REC114: variants seen among roughly 807,000 people sequenced by gnomAD.
REC114 encodes the protein meiotic recombination protein REC114.
REC114 carries 27 observed loss-of-function variants against 31.3 expected under a neutral mutation model. The observed-to-expected ratio is 0.86, with a 90% CI of 0.64 to 1.19. REC114 has a LOEUF of 1.19. REC114 is among the 50% of genes most tolerant of loss of function. The pLI is 0.00. For synonymous variants in REC114, 134 were observed against 127.7 expected (o/e 1.05, Z -0.33); for missense variants, 344 against 326.9 (o/e 1.05, Z -0.40).
intron 2 of REC114, among the ~76,000 whole-genome samples, chr15:73,480,708 C>T (rs1893282511): frequency 6.6e-6 from 1 of 152,160 alleles, no homozygotes; most frequent in African/African-American, 2.4e-5. Flanking sequence ...GATGGAGTCT[C>T]ACTCTTTCGC....
chr15:73,465,216 A>G (rs1156359747), intron 1 of REC114, among the ~76,000 whole-genome samples: 1 of 152,146 alleles, frequency 6.6e-6, no homozygotes, highest in African/African-American at 2.4e-5. Context: ...ATAATTGCTT[A>G]AGGAAAGGTA....
intron 2 of REC114, among the ~76,000 whole-genome samples, chr15:73,538,718 G>A (rs1894195841): frequency 6.6e-6 from 1 of 151,862 alleles, no homozygotes; most frequent in Admixed American, 6.6e-5. Flanking sequence ...GCCTCCCAAA[G>A]TGCTGGAATT....
At chr15:73,508,677 G>C (rs550666565) in intron 2 of REC114, among the ~76,000 whole-genome samples, 1 of 140,898 alleles carries the variant, frequency 7.1e-6, no homozygotes, top group South Asian at 2.3e-4. Context: ...TCCCACCTAT[G>C]AGTGAGAATA....
chr15:73,539,716 AT>A (rs1894214103), intron 2 of REC114, among the ~76,000 whole-genome samples: 1 of 151,680 alleles, frequency 6.6e-6, no homozygotes, highest in Non-Finnish European at 1.5e-5. Context: ...TTTCCATGCA[AT>A]TTTTGCATAT....
chr15:73,491,478 A>G (rs773948856), intron 2 of REC114, among the ~76,000 whole-genome samples: 2 of 152,328 alleles, frequency 1.3e-5, no homozygotes, highest in East Asian at 1.9e-4. Flanking sequence ...ACATTTATAT[A>G]TAAGTCTTTG....
At chr15:73,485,371 C>T (rs533899682) in intron 2 of REC114, among the ~76,000 whole-genome samples, 28 of 152,276 alleles carry the variant, frequency 1.8e-4, no homozygotes, top group Non-Finnish European at 3.5e-4. Context: ...TGTGAGCCAC[C>T]GTGCCCGGCC....
chr15:73,533,264 C>T, intron 2 of REC114, among the ~76,000 whole-genome samples: 1 of 78,028 alleles, frequency 1.3e-5, no homozygotes, highest in Non-Finnish European at 2.5e-5. Context: ...GAGTCAAGAC[C>T]CATCAGTGTG....
chr15:73,479,522 C>A (rs934642739), intron 2 of REC114, among the ~76,000 whole-genome samples: 1 of 151,972 alleles, frequency 6.6e-6, no homozygotes. Flanking sequence ...TACATTAGAT[C>A]TCTAGAATTT....
At chr15:73,535,258 C>T (rs1335611332) in intron 2 of REC114, among the ~76,000 whole-genome samples, 3 of 150,830 alleles carry the variant, frequency 2.0e-5, no homozygotes, top group Non-Finnish European at 2.9e-5. Flanking sequence ...TTGCAGACGA[C>T]GTGATTGTAT....
intron 2 of REC114, among the ~76,000 whole-genome samples, chr15:73,523,951 C>T (rs999720913): frequency 4.6e-5 from 7 of 152,084 alleles, no homozygotes; most frequent in Admixed American, 1.3e-4. Context: ...AGAGATTGTA[C>T]TTCCTTCATT....
chr15:73,481,707 G>T (rs1309200915), intron 2 of REC114, among the ~76,000 whole-genome samples: 2 of 133,836 alleles, frequency 1.5e-5, no homozygotes, highest in Non-Finnish European at 3.1e-5. Flanking sequence ...CGCCTAGGCT[G>T]GAGTGCAGTG....
chr15:73,498,850 G>A (rs557240294), intron 2 of REC114, among the ~76,000 whole-genome samples: 21 of 152,266 alleles, frequency 1.4e-4, no homozygotes, highest in African/African-American at 3.6e-4. Context: ...AACGTTAGGC[G>A]TTGAAGCTAT....
At chr15:73,451,952 C>G (rs1892855943) in intron 1 of REC114, among the ~76,000 whole-genome samples, 1 of 152,160 alleles carries the variant, frequency 6.6e-6, no homozygotes, top group African/African-American at 2.4e-5. Flanking sequence ...GCTAAAAACT[C>G]TTAATAAACT....
At chr15:73,522,476 GATCT>G (rs571557246) in intron 2 of REC114, among the ~76,000 whole-genome samples, 126 of 152,232 alleles carry the variant, frequency 8.3e-4, no homozygotes, top group African/African-American at 2.9e-3. Context: ...TCCCCACATT[GATCT>G]ATCTGCTTTC....
chr15:73,474,116 G>A (rs570937491), intron 2 of REC114, among the ~76,000 whole-genome samples, 195 bp downstream of exon 2: 1 of 152,262 alleles, frequency 6.6e-6, no homozygotes, highest in Non-Finnish European at 1.5e-5. Flanking sequence ...AAGGGGTTTA[G>A]GATTTTGTTG....
chr15:73,454,099 C>T (rs1389213281), intron 1 of REC114, among the ~76,000 whole-genome samples: 3 of 151,244 alleles, frequency 2.0e-5, no homozygotes, highest in Non-Finnish European at 4.4e-5. Context: ...CACATGTACC[C>T]CAGAACTTAA....
chr15:73,542,330 C>CAAA, intron 3 of REC114, among the ~76,000 whole-genome samples: 1 of 49,882 alleles, frequency 2.0e-5, no homozygotes, highest in African/African-American at 5.5e-5. Flanking sequence ...GACTCTGTCT[C>CAAA]AAAAAAAAAA....
chr15:73,534,314 T>C (rs1160554065), intron 2 of REC114, among the ~76,000 whole-genome samples: 1 of 151,708 alleles, frequency 6.6e-6, no homozygotes, highest in East Asian at 1.9e-4. Context: ...GAGAGAAGAA[T>C]CAAATAGACA....
chr15:73,484,753 T>A (rs1209381279), intron 2 of REC114, among the ~76,000 whole-genome samples: 3 of 152,258 alleles, frequency 2.0e-5, no homozygotes, highest in Non-Finnish European at 4.4e-5. Context: ...TACCTAGATA[T>A]AATTATGCCT....
Sources: allele counts gnomAD v4.1 joint callset (sites outside exome capture counted in the v4.1 genomes callset), GRCh38; gene constraint gnomAD v4.1.1; transcripts MANE v1.5; gene names NCBI Gene and HGNC (gene_info 2026-07-23, HGNC 2026-07-21).